SLC16A2: variants seen among roughly 807,000 people sequenced by gnomAD.
The protein encoded by SLC16A2 is monocarboxylate transporter 8.
Under a neutral mutation model 27.2 loss-of-function variants are expected in SLC16A2, and 3 were observed. The observed-to-expected ratio is 0.11, with a 90% CI of 0.05 to 0.28. The LOEUF (loss-of-function observed/expected upper bound fraction) is 0.28. Ranked by LOEUF, SLC16A2 falls within the 10% of genes least tolerant of loss-of-function variation. The probability of loss-of-function intolerance (pLI) is 1.00; values close to 1 mark genes in which losing one functional copy is unlikely to be tolerated. For synonymous variants in SLC16A2, 202 were observed against 187.8 expected (o/e 1.08, Z -0.62); for missense variants, 295 against 458.5 (o/e 0.64, Z 3.26).
At chrX:74,511,134 A>G (rs1262660815) in intron 1 of SLC16A2, among the ~76,000 whole-genome samples, 2 of 111,529 alleles carry the variant, frequency 1.8e-5, no homozygotes, top group African/African-American at 6.5e-5. Flanking sequence ...ATGTCTTGAG[A>G]CAAAATGTGG....
chrX:74,500,443 G>A (rs1569295939), intron 1 of SLC16A2, among the ~76,000 whole-genome samples: 5 of 111,454 alleles, frequency 4.5e-5, no homozygotes. Flanking sequence ...GGTACAGGTG[G>A]TATTTGGTTA....
chrX:74,457,149 A>G (rs1020268077), intron 1 of SLC16A2, among the ~76,000 whole-genome samples: 1 of 111,733 alleles, frequency 8.9e-6, no homozygotes, highest in Non-Finnish European at 1.9e-5. Flanking sequence ...CCCACCCCAG[A>G]CCAACCGAAT....
chrX:74,462,549 A>C (rs1929170647), intron 1 of SLC16A2, among the ~76,000 whole-genome samples: 1 of 111,211 alleles, frequency 9.0e-6, no homozygotes, highest in South Asian at 3.8e-4. Flanking sequence ...TAAACTCCTG[A>C]CCTCGTGATC....
chrX:74,464,871 A>G (rs1466999414), intron 1 of SLC16A2, among the ~76,000 whole-genome samples: 1 of 111,171 alleles, frequency 9.0e-6, no homozygotes, highest in Non-Finnish European at 1.9e-5. Flanking sequence ...AACAACAACA[A>G]AAAACTTGAG....
chrX:74,428,804 G>A lies in SLC16A2; in HGVS notation c.430+6737G>A, dbSNP rs151002602. 8.2e-3 allele frequency among the ~76,000 whole-genome samples: 923 copies of A among 111,931 alleles called. 16 individuals are homozygous for A. The highest frequency in any genetic ancestry group is 0.029 in the African/African-American group (880 of 30,808). On this transcript the variant is annotated intron_variant, in intron 1 of 5. Transcript: ENST00000587091. The stretch of plus-strand genomic sequence containing the variant: ...CAGCCCTAGTAACCCAGCTCAGAAG[G>A]TAGTATTGTAGAAAGTCTTACTCAA...
At chrX:74,508,643 C>T (rs941641987) in intron 1 of SLC16A2, among the ~76,000 whole-genome samples, 8 of 111,434 alleles carry the variant, frequency 7.2e-5, no homozygotes, top group Non-Finnish European at 1.5e-4. Flanking sequence ...TAAATAAAGA[C>T]GGTTTTACTT....
At chrX:74,460,126 C>T (rs757854138) in intron 1 of SLC16A2, among the ~76,000 whole-genome samples, 2 of 111,987 alleles carry the variant, frequency 1.8e-5, no homozygotes, top group South Asian at 3.8e-4. Flanking sequence ...TTCTGTGGCA[C>T]CCATGAGAAT....
chrX:74,513,680 T>C (rs1930270155), intron 1 of SLC16A2, among the ~76,000 whole-genome samples: 1 of 112,035 alleles, frequency 8.9e-6, no homozygotes, highest in Non-Finnish European at 1.9e-5. Context: ...ATAACGCTAT[T>C]CTTCTTCAGT....
intron 1 of SLC16A2, among the ~76,000 whole-genome samples, chrX:74,507,263 T>C (rs988454406): frequency 4.5e-5 from 5 of 111,227 alleles, no homozygotes; most frequent in African/African-American, 1.6e-4. Flanking sequence ...GCCTCATCTG[T>C]GATTTTTTTT....
intron 1 of SLC16A2, among the ~76,000 whole-genome samples, chrX:74,459,654 G>C (rs1313105548): frequency 9.0e-6 from 1 of 111,004 alleles, no homozygotes; most frequent in African/African-American, 3.3e-5. Flanking sequence ...AGAAATGTTA[G>C]TTTCCCAACC....
rs749541995 is a variant in SLC16A2 at position 74,421,729 on chromosome X, C to T, written c.92C>T (p.Pro31Leu). 53 of 1,166,256 alleles carry T rather than the reference C, an allele frequency of 4.5e-5. No individual in the cohort carries two copies. Among genetic ancestry groups the T allele is most frequent in the Non-Finnish European group, 5.8e-5 (51 of 873,942 alleles). ...EQQEPVGSPE[P>L]ESEPEPEPEP... ...CAGGAGCCGGTGGGTAGCCCAGAGC[C>T]GGAGTCTGAGCCGGAGCCTGAGCCC... is the stretch of plus-strand genomic sequence containing the variant. The change falls in exon 1 of 6, where the codon CCG becomes CTG. Residue 31 changes from proline (P) to leucine (L), a missense_variant. Physicochemically the swap from Pro to Leu is moderately conservative, Grantham distance 98 (BLOSUM62 -3). This residue lies in a region of SLC16A2 where 92 missense variants were observed against 85.1 expected (regional missense o/e 1.08). Coordinates refer to ENST00000587091, the MANE Select transcript of SLC16A2 (RefSeq NM_006517.5).
Position 74,533,567 on chromosome X carries a change from C to T in SLC16A2, c.*2014C>T. 1 of 112,586 alleles carries T rather than the reference C, an allele frequency of 8.9e-6. No homozygotes were observed. Among genetic ancestry groups the T allele is most frequent in the Non-Finnish European group, 1.9e-5 (1 of 53,278 alleles). The allele number at this position is 112,586 out of a possible 1,213,427, so 9.3% of individuals were successfully genotyped here. Reference sequence around the variant, plus strand: ...GTCACCAGAGGGTGGTTCTGTAGGACCTCTTTTGTTGCTTAAGATGCAGAT... The same window carrying T: ...GTCACCAGAGGGTGGTTCTGTAGGATCTCTTTTGTTGCTTAAGATGCAGAT... On this transcript the variant is annotated 3_prime_UTR_variant, in exon 6 of 6. Transcript: ENST00000587091.
chrX:74,507,219 G>T (rs1001508825), intron 1 of SLC16A2, among the ~76,000 whole-genome samples: 1 of 110,908 alleles, frequency 9.0e-6, no homozygotes, highest in Non-Finnish European at 1.9e-5. Context: ...GCCTCCAAAA[G>T]TGTTAGGATT....
intron 1 of SLC16A2, among the ~76,000 whole-genome samples, chrX:74,440,825 C>T (rs947597877): frequency 1.4e-4 from 15 of 110,221 alleles, no homozygotes; most frequent in African/African-American, 4.0e-4. Flanking sequence ...TGTGTGTGCA[C>T]GCGCATGCAT....
At position 74,513,982 on chromosome X, in the gene SLC16A2, CAT is replaced by C. The variant is rs759103019; in HGVS notation, c.431-7007_431-7006del. Among the ~76,000 whole-genome samples the C allele has an allele frequency of 6.6e-3, 736 of 111,874 alleles. 3 individuals are homozygous for C. The highest frequency in any genetic ancestry group is 0.01 in the Non-Finnish European group (548 of 53,183). On this transcript the variant is annotated intron_variant, in intron 1 of 5. Transcript: ENST00000587091. ...ATAATTGTTGAATAAATTAATATAA[CAT>C]GTGAATTACTTCATTTTTAAAAATA...
At chrX:74,442,309 T>C (rs977770743) in intron 1 of SLC16A2, among the ~76,000 whole-genome samples, 1 of 109,486 alleles carries the variant, frequency 9.1e-6, no homozygotes, top group African/African-American at 3.3e-5. Context: ...CTCATTAGCG[T>C]TGGCCGAGGA....
intron 1 of SLC16A2, among the ~76,000 whole-genome samples, chrX:74,449,478 A>G (rs1486149881): frequency 1.8e-5 from 2 of 112,162 alleles, no homozygotes; most frequent in Non-Finnish European, 1.9e-5. Flanking sequence ...CTTGCATAAT[A>G]TATTTGCACC....
chrX:74,475,388 T>C (rs1160706680), intron 1 of SLC16A2, among the ~76,000 whole-genome samples: 2 of 108,949 alleles, frequency 1.8e-5, no homozygotes, highest in Non-Finnish European at 3.8e-5. Context: ...TAGCCCTTTG[T>C]CAGATGAGTA....
At chrX:74,428,553 GATGTTGTATAGGCCCA>G (rs1239868177) in intron 1 of SLC16A2, among the ~76,000 whole-genome samples, 2 of 110,818 alleles carry the variant, frequency 1.8e-5, no homozygotes, top group Non-Finnish European at 3.8e-5. Context: ...TGGGGTTTGG[GATGTTGTATAGGCCCA>G]ACTCCTGCCA....
Sources: allele counts gnomAD v4.1 joint callset (sites outside exome capture counted in the v4.1 genomes callset), GRCh38; gene constraint gnomAD v4.1.1; regional missense constraint gnomAD v4.1.1; transcripts MANE v1.5; gene names NCBI Gene and HGNC (gene_info 2026-07-23, HGNC 2026-07-21).